Variants in ERMN observed in about 807,000 individuals in gnomAD.
ERMN encodes the protein ermin.
A neutral mutation model predicts 21.4 loss-of-function variants in ERMN; 17 were observed. The observed-to-expected ratio is 0.80, with a 90% CI of 0.54 to 1.19. The LOEUF is 1.19. Among genes scored for constraint, ERMN ranks in the 50% most tolerant of loss-of-function variants. The pLI is 0.00. For missense variants in ERMN, 348 were observed against 331.6 expected, an observed-to-expected ratio of 1.05 and a Z score of -0.38; for synonymous variants, 115 against 111.9, an observed-to-expected ratio of 1.03 and a Z score of -0.17.
intron 1 of ERMN, chr2:157,325,073 A>C: frequency 2.2e-6 from 1 of 451,632 alleles, no homozygotes; most frequent in South Asian, 2.1e-5. Flanking sequence ...TGTTCAAATA[A>C]TATGGGGCTG....
chr2:157,323,218 G>A (rs1199429138), intron 2 of ERMN, among the ~76,000 whole-genome samples: 2 of 152,110 alleles, frequency 1.3e-5, no homozygotes, highest in Admixed American at 6.6e-5. Flanking sequence ...GAAAGATCTA[G>A]ACAACTGTTA....
rs1259860051 is a variant in ERMN at position 157,321,562 on chromosome 2, A to C, written c.564T>G (p.Asp188Glu). 6.2e-7 allele frequency: 1 copy of C among 1,613,800 alleles called. No individual in the cohort carries two copies. The highest frequency in any genetic ancestry group is 1.3e-5 in the African/African-American group (1 of 74,846). ...CATTATTGCAATTATCATCATCATC[A>C]TCATCAATTTCTTCATCCCAAACCT... is the stretch of plus-strand genomic sequence containing the variant. ...EQKVWDEEIDDDDDDNCNNDE... is the reference protein window; with the variant it reads ...EQKVWDEEIDEDDDDNCNNDE... The change falls in exon 3 of 3, where the codon GAT (aspartate) becomes GAG (glutamate). Residue 188 changes from aspartate to glutamate, a missense_variant. Coordinates refer to ENST00000410096, the MANE Select transcript of ERMN (RefSeq NM_020711.3).
At chr2:157,326,199 T>C (rs1227073253), upstream of ERMN, among the ~76,000 whole-genome samples, 3 of 152,230 alleles carry the variant, frequency 2.0e-5, no homozygotes, top group Non-Finnish European at 2.9e-5. Flanking sequence ...ACCTCAGCTA[T>C]TTTGTAAAGG....
chr2:157,324,578 G>A (rs1684009643), intron 2 of ERMN, 92 bp downstream of exon 2: 4 of 1,005,860 alleles, frequency 4.0e-6, no homozygotes, highest in Non-Finnish European at 6.1e-6. Context: ...GGATTGCTTT[G>A]TCAACCCCAC....
chr2:157,324,558 G>T, intron 2 of ERMN, 112 bp downstream of exon 2: 1 of 795,454 alleles, frequency 1.3e-6, no homozygotes, highest in Non-Finnish European at 2.1e-6. Flanking sequence ...AAAATTTGAA[G>T]TCATTGCCTG....
Position 157,324,666 on chromosome 2 carries a change from T to C in ERMN, c.334+4A>G, listed in dbSNP as rs748038565. The C allele has an allele frequency of 6.2e-7, 1 of 1,606,986 alleles. No individual in the cohort carries two copies. The highest frequency in any genetic ancestry group is 1.1e-5 in the South Asian group (1 of 90,792). On this transcript the variant is annotated splice_donor_region_variant and intron_variant, in intron 2 of 2. Coordinates refer to ENST00000410096, the MANE Select transcript of ERMN (RefSeq NM_020711.3). ...TCTGTGTACAAAACTGTAGTTCTTG[T>C]TACCTTCTCTGAATGTCATTTCATC...
At chr2:157,325,209 TGGG>T in intron 1 of ERMN, 190 bp downstream of exon 1, 2 of 773,800 alleles carry the variant, frequency 2.6e-6, no homozygotes, top group Non-Finnish European at 4.5e-6. Flanking sequence ...GAAAGTTGTC[TGGG>T]GTCACAGCTG....
chr2:157,324,471 T>C (rs1684006047), intron 2 of ERMN, among the ~76,000 whole-genome samples, 199 bp downstream of exon 2: 1 of 152,190 alleles, frequency 6.6e-6, no homozygotes, highest in African/African-American at 2.4e-5. Flanking sequence ...AGCCTCAGCC[T>C]TGAACAGTCT....
At chr2:157,324,537 C>CA in intron 2 of ERMN, 133 bp downstream of exon 2, 3 of 695,308 alleles carry the variant, frequency 4.3e-6, no homozygotes, top group Non-Finnish European at 7.6e-6. Context: ...TATCTGCCTA[C>CA]AGCAGCTTTG....
chr2:157,325,292 G>A, intron 1 of ERMN, 110 bp downstream of exon 1: 1 of 1,402,158 alleles, frequency 7.1e-7, no homozygotes, highest in Non-Finnish European at 1.0e-6. Context: ...GTAGAATAAA[G>A]GGCTACATTT....
chr2:157,325,594 T>C lies in ERMN; in HGVS notation c.49A>G (p.Lys17Glu). The change falls in exon 1 of 3, where the codon AAA (lysine) becomes GAA (glutamate). Residue 17 changes from lysine to glutamate, a missense_variant. Transcript: ENST00000410096. Reference protein sequence around the residue: ...TFTQAECNGDKPPENGQQTIT... With the variant: ...TFTQAECNGDEPPENGQQTIT... ...GTTTGTTGACCGTTTTCAGGTGGTT[T>C]ATCCCCATTACACTCAGCCTGGGTA... The C allele has an allele frequency of 1.2e-6, 2 of 1,614,202 alleles. No homozygotes were observed. The highest frequency in any genetic ancestry group is 8.5e-7 in the Non-Finnish European group (1 of 1,180,012).
upstream of ERMN, chr2:157,325,863 C>T (rs1323542817): frequency 1.4e-6 from 2 of 1,405,974 alleles, no homozygotes; most frequent in Non-Finnish European, 1.8e-6. Flanking sequence ...CTGCCAGGAG[C>T]CATGAGCAAG....
At position 157,321,353 on chromosome 2, in the gene ERMN, T is replaced by C. The variant is rs1337963680; in HGVS notation, c.773A>G (p.Tyr258Cys). 3 of 1,614,142 alleles carry C rather than the reference T, an allele frequency of 1.9e-6. No homozygotes were observed. Among genetic ancestry groups the C allele is most frequent in the Non-Finnish European group, 2.5e-6 (3 of 1,179,994 alleles). Residue 258 changes from tyrosine to cysteine, a missense_variant, in exon 3 of 3, where the codon TAC becomes TGC. Transcript: ENST00000410096. ...SDISRNAYSRYNTISYRKIRK... is the reference protein window; with the variant it reads ...SDISRNAYSRCNTISYRKIRK... The stretch of plus-strand genomic sequence containing the variant: ...GATTTTCCGATAGGATATTGTATTG[T>C]ATCTGGAATAAGCATTTCTGGAGAT...
At chr2:157,325,957 A>T, upstream of ERMN, 2 of 1,220,630 alleles carry the variant, frequency 1.6e-6, no homozygotes, top group Non-Finnish European at 2.1e-6. Flanking sequence ...ATAAACAAAC[A>T]ATCTGAAGCA....
Position 157,325,598 on chromosome 2 carries a change from C to T in ERMN, c.45G>A (p.Gly15=), listed in dbSNP as rs765182599. ...GTTGACCGTTTTCAGGTGGTTTATC[C>T]CCATTACACTCAGCCTGGGTAAATG... The part of the protein sequence containing the change: ...PATFTQAECN[G]DKPPENGQQT... Residue 15 remains glycine (G), a synonymous_variant, in exon 1 of 3, where the codon GGG becomes GGA. Coordinates refer to ENST00000410096, the MANE Select transcript of ERMN (RefSeq NM_020711.3). 6.2e-7 allele frequency: 1 copy of T among 1,614,108 alleles called. No individual in the cohort carries two copies. Among genetic ancestry groups the T allele is most frequent in the Non-Finnish European group, 8.5e-7 (1 of 1,180,004 alleles).
Position 157,321,784 on chromosome 2 carries a change from C to T in ERMN, c.342G>A (p.Gln114=), listed in dbSNP as rs895977284. The T allele has an allele frequency of 1.9e-6, 3 of 1,604,068 alleles. No homozygotes were observed. The highest frequency in any genetic ancestry group is 2.6e-6 in the Non-Finnish European group (3 of 1,176,370). Residue 114 remains glutamine (Q), a synonymous_variant, in exon 3 of 3, where the codon CAG becomes CAA. Coordinates refer to ENST00000410096, the MANE Select transcript of ERMN (RefSeq NM_020711.3). The stretch of plus-strand genomic sequence containing the variant: ...TGCCACTCAGAGGAATCTTCTCCCA[C>T]TGATGCCCTGTAGCAAAATCAATTG... The part of the protein sequence containing the change: ...ADEMTFREGH[Q]WEKIPLSGSN...
rs1005236660 is a variant in ERMN, at chr2:157,325,637, T to C, written c.6A>G (p.Thr2=). The C allele has an allele frequency of 6.2e-7, 1 of 1,614,094 alleles. No homozygotes were observed. Among genetic ancestry groups the C allele is most frequent in the Non-Finnish European group, 8.5e-7 (1 of 1,180,040 alleles). The change falls in exon 1 of 3, where the codon ACA becomes ACG. Residue 2 remains threonine (T), a synonymous_variant. Transcript: ENST00000410096. ...CCTGGGTAAATGTAGCCGGAACATCTGTCATGATGTGCGGTTGAATCCGAT... is the reference window on the plus strand; with the variant it reads ...CCTGGGTAAATGTAGCCGGAACATCCGTCATGATGTGCGGTTGAATCCGAT... M[T]DVPATFTQAE... is the part of the protein sequence containing the mutation.
At position 157,325,425 on chromosome 2, in the gene ERMN, G is replaced by A; in HGVS notation, c.218C>T (p.Ser73Phe). ...ACCTTTTAGCATTTTGTCCTCCATG[G>A]ATGAGTTGAGCAGCATGTTCCCTTG... is the stretch of plus-strand genomic sequence containing the variant. ...KLQGNMLLNS[S>F]MEDKMLKENP... Residue 73 changes from serine (S) to phenylalanine (F), a missense_variant, in exon 1 of 3, where the codon TCC becomes TTC. Coordinates refer to ENST00000410096, the MANE Select transcript of ERMN (RefSeq NM_020711.3). 1 of 1,614,088 alleles carries A rather than the reference G, an allele frequency of 6.2e-7. No individual in the cohort carries two copies. The highest frequency in any genetic ancestry group is 2.2e-5 in the East Asian group (1 of 44,882).
chr2:157,321,831 T>G (rs1271683070), intron 2 of ERMN, 40 bp from the exon 3 acceptor site: 20 of 1,512,730 alleles, frequency 1.3e-5, no homozygotes, highest in Non-Finnish European at 1.7e-5. Context: ...GTGTAGAGAT[T>G]CCAAAATACC....
Sources: allele counts gnomAD v4.1 joint callset (sites outside exome capture counted in the v4.1 genomes callset), GRCh38; gene constraint gnomAD v4.1.1; transcripts MANE v1.5; gene names NCBI Gene and HGNC (gene_info 2026-07-23, HGNC 2026-07-21).